Variants in GSG1L observed in about 807,000 individuals in gnomAD.
The protein encoded by GSG1L is germ cell-specific gene 1-like protein.
A neutral mutation model predicts 42.1 loss-of-function variants in GSG1L; 24 were observed. That is an observed-to-expected ratio of 0.57 (90% CI 0.41 to 0.80). GSG1L has a LOEUF of 0.80. Ranked by LOEUF, GSG1L falls within the 30% of genes least tolerant of loss-of-function variation. The pLI is 0.00. For synonymous variants in GSG1L, 215 were observed against 203.5 expected (o/e 1.06, Z -0.48); for missense variants, 445 against 472.2 (o/e 0.94, Z 0.53).
chr16:27,981,297 A>G (rs1304006138), intron 1 of GSG1L, among the ~76,000 whole-genome samples: 2 of 152,216 alleles, frequency 1.3e-5, no homozygotes, highest in African/African-American at 4.8e-5. Context: ...AGTGCTTTCA[A>G]CTTGCTGGGC....
At chr16:28,003,316 C>T (rs970359225) in intron 1 of GSG1L, among the ~76,000 whole-genome samples, 3 of 152,250 alleles carry the variant, frequency 2.0e-5, no homozygotes, top group East Asian at 1.9e-4. Context: ...ACGGGCATCT[C>T]GCTGAACCCA....
chr16:27,843,483 G>T (rs907036268), intron 4 of GSG1L, among the ~76,000 whole-genome samples: 1 of 149,048 alleles, frequency 6.7e-6, no homozygotes, highest in Non-Finnish European at 1.5e-5. Context: ...CTCCAGCCTG[G>T]GTGACAGAGC....
rs77428952 is a variant in GSG1L at position 27,818,513 on chromosome 16, G to C, written c.830+10276C>G. On this transcript the variant is annotated intron_variant, in intron 5 of 6. Coordinates refer to ENST00000447459, the MANE Select transcript of GSG1L (RefSeq NM_001109763.2). ...AAGGACCCCAACACTGGGTGATGGC[G>C]TGCAAAGTGTTACCGAGAAATAAAC... Among the ~76,000 whole-genome samples, 1,390 of 152,166 alleles carry C rather than the reference G, an allele frequency of 9.1e-3. 25 individuals carry two copies. The highest frequency in any genetic ancestry group is 0.031 in the African/African-American group (1,299 of 41,524).
At chr16:27,857,560 A>C (rs1403833122) in intron 3 of GSG1L, among the ~76,000 whole-genome samples, 1 of 151,992 alleles carries the variant, frequency 6.6e-6, no homozygotes, top group Admixed American at 6.5e-5. Context: ...TGGGCAACAT[A>C]GGGAAACCCC....
chr16:27,848,229 A>G (rs531155712), intron 3 of GSG1L, among the ~76,000 whole-genome samples: 54 of 152,346 alleles, frequency 3.5e-4, no homozygotes, highest in African/African-American at 1.1e-3. Context: ...ATGCTAGTCC[A>G]GAGACCAGAT....
At chr16:27,903,750 C>A (rs956121687) in intron 2 of GSG1L, among the ~76,000 whole-genome samples, 6 of 152,126 alleles carry the variant, frequency 3.9e-5, no homozygotes, top group Admixed American at 3.3e-4. Flanking sequence ...AGTGCAGTAT[C>A]CTGGCACCCA....
chr16:27,825,844 C>A (rs1355493852), intron 5 of GSG1L, among the ~76,000 whole-genome samples: 1 of 152,214 alleles, frequency 6.6e-6, no homozygotes, highest in African/African-American at 2.4e-5. Flanking sequence ...TTTCTCCTTG[C>A]TGCCGCCATG....
intron 2 of GSG1L, among the ~76,000 whole-genome samples, chr16:27,927,287 C>A (rs1247685171): frequency 6.6e-6 from 1 of 152,016 alleles, no homozygotes; most frequent in Non-Finnish European, 1.5e-5. Flanking sequence ...GTAGCTGGGA[C>A]CACGGGTACG....
intron 2 of GSG1L, among the ~76,000 whole-genome samples, chr16:27,961,270 G>A (rs1029992464): frequency 1.3e-5 from 2 of 152,156 alleles, no homozygotes; most frequent in African/African-American, 2.4e-5. Flanking sequence ...ACCCTTACCC[G>A]GGACACACGC....
intron 1 of GSG1L, among the ~76,000 whole-genome samples, chr16:27,978,818 T>C (rs1319576131): frequency 1.3e-5 from 2 of 152,216 alleles, no homozygotes; most frequent in Non-Finnish European, 2.9e-5. Context: ...AGTTGTTTGC[T>C]ATTAAGGTTG....
intron 2 of GSG1L, among the ~76,000 whole-genome samples, chr16:27,925,827 C>A (rs1422053563): frequency 6.6e-6 from 1 of 152,176 alleles, no homozygotes; most frequent in Non-Finnish European, 1.5e-5. Flanking sequence ...GAGGATCTAC[C>A]AAGAATAGGG....
intron 3 of GSG1L, among the ~76,000 whole-genome samples, chr16:27,868,009 C>T (rs114845482): frequency 1.3e-5 from 2 of 152,358 alleles, no homozygotes; most frequent in African/African-American, 4.8e-5. Context: ...GTTCCTCCAG[C>T]GTAGGTTTTA....
At chr16:27,950,419 C>T (rs2141095231) in intron 2 of GSG1L, among the ~76,000 whole-genome samples, 1 of 152,246 alleles carries the variant, frequency 6.6e-6, no homozygotes, top group South Asian at 2.1e-4. Context: ...ATGTTGTGAT[C>T]TCCAGGAGCA....
chr16:27,854,438 C>G (rs1007137843), intron 3 of GSG1L, among the ~76,000 whole-genome samples: 1 of 152,104 alleles, frequency 6.6e-6, no homozygotes, highest in African/African-American at 2.4e-5. Context: ...GCAGGGCTTC[C>G]CTAAAAGGCC....
At chr16:27,888,448 CTTTCTTTCTTTCTT>C (rs1395227387) in intron 2 of GSG1L, among the ~76,000 whole-genome samples, 839 of 24,348 alleles carry the variant, frequency 0.034, 51 homozygotes, top group South Asian at 0.13. Flanking sequence ...TTCTTTCTTT[CTTTCTTTCTTTCTT>C]TCTCTCTCTC....
At chr16:27,898,552 C>T (rs1344745728) in intron 2 of GSG1L, among the ~76,000 whole-genome samples, 1 of 151,918 alleles carries the variant, frequency 6.6e-6, no homozygotes, top group Non-Finnish European at 1.5e-5. Context: ...TCTTCCTCCT[C>T]CTCTTCCTCC....
intron 3 of GSG1L, among the ~76,000 whole-genome samples, chr16:27,861,819 G>A (rs2083655979): frequency 6.6e-6 from 1 of 152,098 alleles, no homozygotes; most frequent in Admixed American, 6.5e-5. Context: ...CTATCTCAGG[G>A]CTCAGATTCC....
chr16:28,053,966 C>T (rs1015449500), intron 1 of GSG1L, among the ~76,000 whole-genome samples: 1 of 152,264 alleles, frequency 6.6e-6, no homozygotes, highest in Non-Finnish European at 1.5e-5. Flanking sequence ...ATGTGTCTGC[C>T]TTTCTCTCTG....
chr16:27,871,675 C>T (rs748144435), intron 3 of GSG1L, among the ~76,000 whole-genome samples: 28 of 152,224 alleles, frequency 1.8e-4, no homozygotes, highest in Non-Finnish European at 3.4e-4. Context: ...TGTGGTCAAT[C>T]CATACAATGG....
Sources: allele counts gnomAD v4.1 joint callset (sites outside exome capture counted in the v4.1 genomes callset), GRCh38; gene constraint gnomAD v4.1.1; transcripts MANE v1.5; gene names NCBI Gene and HGNC (gene_info 2026-07-23, HGNC 2026-07-21).